Variants in PPM1H observed in about 807,000 individuals in gnomAD.
The protein encoded by PPM1H is protein phosphatase, Mg2+/Mn2+ dependent 1H.
In PPM1H, 27 loss-of-function variants were observed where a neutral mutation model predicts 54.9. The ratio of observed to expected loss-of-function variants is 0.49; its 90% CI spans 0.36 to 0.68. The LOEUF is 0.68. Among genes scored for constraint, PPM1H ranks in the 30% least tolerant of loss-of-function variants. PPM1H has a pLI of 0.00. For synonymous variants in PPM1H, 305 were observed against 270.8 expected (o/e 1.13, Z -1.24); for missense variants, 596 against 667.8 (o/e 0.89, Z 1.19).
At chr12:62,854,770 T>C (rs902839447) in intron 1 of PPM1H, among the ~76,000 whole-genome samples, 2 of 152,028 alleles carry the variant, frequency 1.3e-5, no homozygotes, top group African/African-American at 4.8e-5. Context: ...CCATCAGAAA[T>C]AGGTAAATGT....
At position 62,934,903 on chromosome 12, in the gene PPM1H, C is replaced by A; in HGVS notation, c.-167G>T. ...AGCCTAGTGCTGCAGGGGGCCGAGCCCCGGCCTCTCGTGCTTAGTGCCGCG... is the reference window on the plus strand; with the variant it reads ...AGCCTAGTGCTGCAGGGGGCCGAGCACCGGCCTCTCGTGCTTAGTGCCGCG... On this transcript the variant is annotated 5_prime_UTR_variant, in exon 1 of 10. Coordinates refer to ENST00000228705, the MANE Select transcript of PPM1H (RefSeq NM_020700.2). The surrounding 1 kb of genome is among the most constrained non-coding windows in gnomAD (Gnocchi z 4.2). 1 of 529,750 alleles carries A rather than the reference C, an allele frequency of 1.9e-6. No homozygotes were observed. Among genetic ancestry groups the A allele is most frequent in the Non-Finnish European group, 2.7e-6 (1 of 365,248 alleles). 32.8% of individuals were successfully genotyped at this position (529,750 alleles called of 1,614,324 possible). A position where few individuals can be genotyped will look rare whatever the true frequency, so the allele number is the denominator to read the frequency against.
At chr12:62,831,811 A>ATG (rs1293588634) in intron 2 of PPM1H, among the ~76,000 whole-genome samples, 2 of 151,246 alleles carry the variant, frequency 1.3e-5, no homozygotes, top group South Asian at 2.1e-4. Context: ...ACACATATAT[A>ATG]TGTGTATATA....
intron 8 of PPM1H, among the ~76,000 whole-genome samples, chr12:62,674,576 C>T (rs2075975213): frequency 1.3e-5 from 2 of 152,206 alleles, no homozygotes; most frequent in Admixed American, 1.3e-4. Flanking sequence ...ATCTACTTTA[C>T]TTGATGTCAT....
At chr12:62,794,699 C>T (rs985107622) in intron 3 of PPM1H, among the ~76,000 whole-genome samples, 5 of 152,130 alleles carry the variant, frequency 3.3e-5, no homozygotes, top group African/African-American at 9.7e-5. Context: ...GCAGTGGAAT[C>T]GACTTCCTCC....
At chr12:62,661,318 A>G (rs953402639) in intron 9 of PPM1H, among the ~76,000 whole-genome samples, 3 of 152,240 alleles carry the variant, frequency 2.0e-5, no homozygotes, top group Non-Finnish European at 2.9e-5. Context: ...TCACAAAATA[A>G]TAGGTCCTTA....
chr12:62,874,671 T>C (rs1870100491), intron 1 of PPM1H, among the ~76,000 whole-genome samples: 1 of 152,184 alleles, frequency 6.6e-6, no homozygotes, highest in Non-Finnish European at 1.5e-5. Context: ...GTCAGAGATT[T>C]TTCCCTGCTT....
At chr12:62,900,098 TCTGTGATATTTTGTTATA>T (rs1048608915) in intron 1 of PPM1H, among the ~76,000 whole-genome samples, 4 of 152,222 alleles carry the variant, frequency 2.6e-5, no homozygotes, top group Admixed American at 2.0e-4. Flanking sequence ...AAGCACCCAG[TCTGTGATATTTTGTTATA>T]CCAGCTCAAA....
At chr12:62,674,834 C>T (rs2075976904) in intron 8 of PPM1H, among the ~76,000 whole-genome samples, 1 of 152,148 alleles carries the variant, frequency 6.6e-6, no homozygotes. Context: ...CTTTACCTTG[C>T]TTGGTTTGGC....
At chr12:62,863,912 C>T (rs1287292482) in intron 1 of PPM1H, among the ~76,000 whole-genome samples, 1 of 152,172 alleles carries the variant, frequency 6.6e-6, no homozygotes, top group African/African-American at 2.4e-5. Context: ...TAAAAACTGG[C>T]AAAGCAATAA....
chr12:62,673,233 C>T (rs2136618712), intron 8 of PPM1H, among the ~76,000 whole-genome samples: 1 of 152,288 alleles, frequency 6.6e-6, no homozygotes, highest in Non-Finnish European at 1.5e-5. Flanking sequence ...AGCTTCAGAG[C>T]ACTTAGAGAT....
At chr12:62,743,509 A>G (rs1352996119) in intron 4 of PPM1H, among the ~76,000 whole-genome samples, 3 of 152,204 alleles carry the variant, frequency 2.0e-5, no homozygotes, top group Non-Finnish European at 2.9e-5. Flanking sequence ...TTTTGGAGTT[A>G]AAAACACATA....
intron 5 of PPM1H, among the ~76,000 whole-genome samples, chr12:62,728,756 A>C (rs1402171141): frequency 6.6e-6 from 1 of 152,150 alleles, no homozygotes; most frequent in Non-Finnish European, 1.5e-5. Flanking sequence ...GGGTAGCCGG[A>C]AGCAGGGAAC....
chr12:62,860,379 G>C (rs1725731371), intron 1 of PPM1H, among the ~76,000 whole-genome samples: 1 of 151,872 alleles, frequency 6.6e-6, no homozygotes, highest in Non-Finnish European at 1.5e-5. Context: ...CATATTACAG[G>C]GGATGTTGAA....
chr12:62,752,640 G>C (rs1039668867), intron 4 of PPM1H, among the ~76,000 whole-genome samples: 4 of 151,980 alleles, frequency 2.6e-5, no homozygotes, highest in Non-Finnish European at 5.9e-5. Context: ...ATTTTATTGT[G>C]ACAAAGAGAT....
rs148375124 is a variant in PPM1H, at chr12:62,679,056, G to T, written c.1245+10643C>A. On this transcript the variant is annotated intron_variant, in intron 8 of 9. Coordinates refer to ENST00000228705, the MANE Select transcript of PPM1H (RefSeq NM_020700.2). ...GGCTGGAATGCAGCGGTGAGATCTCGGCTCACTGCAACCTCTGCCTTGTGG... is the reference window on the plus strand; with the variant it reads ...GGCTGGAATGCAGCGGTGAGATCTCTGCTCACTGCAACCTCTGCCTTGTGG... Among the ~76,000 whole-genome samples, 506 of 151,392 alleles carry T rather than the reference G, an allele frequency of 3.3e-3. 3 individuals are homozygous for T. The highest frequency in any genetic ancestry group is 0.024 in the Middle Eastern group (7 of 294).
At chr12:62,881,279 A>C (rs1290713111) in intron 1 of PPM1H, among the ~76,000 whole-genome samples, 1 of 152,158 alleles carries the variant, frequency 6.6e-6, no homozygotes. Context: ...CAAATATGCA[A>C]TCCAACATGA....
intron 3 of PPM1H, among the ~76,000 whole-genome samples, chr12:62,800,879 G>A (rs1565792336): frequency 6.6e-6 from 1 of 152,204 alleles, no homozygotes; most frequent in Admixed American, 6.5e-5. Flanking sequence ...AAGGGACAGC[G>A]AGAGCTGTGG....
chr12:62,658,824 C>T (rs946799101), intron 9 of PPM1H: 2 of 527,288 alleles, frequency 3.8e-6, no homozygotes, highest in Non-Finnish European at 7.1e-6. Context: ...GGCATCAGGG[C>T]CAACTTCAGA....
chr12:62,885,881 A>G (rs928146210), intron 1 of PPM1H, among the ~76,000 whole-genome samples: 7 of 152,360 alleles, frequency 4.6e-5, no homozygotes, highest in Middle Eastern at 3.4e-3. Context: ...AGTTCATGAA[A>G]TATCAGGTAT....
Sources: allele counts gnomAD v4.1 joint callset (sites outside exome capture counted in the v4.1 genomes callset), GRCh38; gene constraint gnomAD v4.1.1; non-coding constraint Gnocchi (gnomAD v3.1); transcripts MANE v1.5; gene names NCBI Gene and HGNC (gene_info 2026-07-23, HGNC 2026-07-21).